Variants in CADM1 observed in about 807,000 individuals in gnomAD.
CADM1 encodes cell adhesion molecule 1.
Under a neutral mutation model 53.1 loss-of-function variants are expected in CADM1, and 15 were observed. The observed-to-expected ratio is 0.28, with a 90% CI of 0.19 to 0.44. The LOEUF (loss-of-function observed/expected upper bound fraction) is 0.44. Among genes scored for constraint, CADM1 ranks in the 20% least tolerant of loss-of-function variants. The pLI is 1.00. For synonymous variants in CADM1, 281 were observed against 243.0 expected (o/e 1.16, Z -1.45); for missense variants, 434 against 611.3 (o/e 0.71, Z 3.06).
intron 1 of CADM1, among the ~76,000 whole-genome samples, chr11:115,389,056 G>A (rs1946769294): frequency 6.6e-6 from 1 of 151,968 alleles, no homozygotes; most frequent in South Asian, 2.1e-4. Flanking sequence ...AAAAAGACAT[G>A]GTGGATGCAA....
chr11:115,412,887 T>A (rs533395724), intron 1 of CADM1, among the ~76,000 whole-genome samples: 1 of 152,342 alleles, frequency 6.6e-6, no homozygotes, highest in East Asian at 1.9e-4. Context: ...ATCATTTATC[T>A]TTTCCAAAAT....
At chr11:115,190,243 C>T (rs994177897) in intron 10 of CADM1, among the ~76,000 whole-genome samples, 5 of 152,204 alleles carry the variant, frequency 3.3e-5, no homozygotes, top group Admixed American at 3.3e-4. Context: ...TCTCCTCCCT[C>T]CCTCCTTTGT....
At chr11:115,221,024 T>C (rs1021388293) in intron 5 of CADM1, among the ~76,000 whole-genome samples, 2 of 152,212 alleles carry the variant, frequency 1.3e-5, no homozygotes, top group African/African-American at 4.8e-5. Flanking sequence ...CCAAGATTTA[T>C]TTTTAAGTAA....
chr11:115,280,335 C>A (rs1943554436), intron 1 of CADM1, among the ~76,000 whole-genome samples: 1 of 152,128 alleles, frequency 6.6e-6, no homozygotes, highest in Admixed American at 6.5e-5. Context: ...AACATGGCCA[C>A]AAAATGGAAT....
intron 1 of CADM1, among the ~76,000 whole-genome samples, chr11:115,369,856 C>A (rs1424157924): frequency 3.3e-5 from 5 of 152,184 alleles, no homozygotes; most frequent in African/African-American, 9.7e-5. Context: ...AATTGAGCTA[C>A]AATACACAAT....
chr11:115,282,080 AT>A (rs554538339), intron 1 of CADM1, among the ~76,000 whole-genome samples: 5 of 151,870 alleles, frequency 3.3e-5, no homozygotes, highest in East Asian at 1.9e-4. Flanking sequence ...TTGCTTTATT[AT>A]TTTTTTTGGT....
chr11:115,230,939 A>G (rs1172133985), intron 4 of CADM1, among the ~76,000 whole-genome samples: 1 of 152,180 alleles, frequency 6.6e-6, no homozygotes, highest in African/African-American at 2.4e-5. Context: ...CATTTTTTTA[A>G]ATGTATACCC....
At chr11:115,474,513 C>T (rs990842381) in intron 1 of CADM1, among the ~76,000 whole-genome samples, 1 of 151,624 alleles carries the variant, frequency 6.6e-6, no homozygotes, top group African/African-American at 2.4e-5. Context: ...GAATACTATG[C>T]AGCCATAAAG....
chr11:115,389,019 G>A (rs573743473), intron 1 of CADM1, among the ~76,000 whole-genome samples: 2 of 152,138 alleles, frequency 1.3e-5, no homozygotes, highest in South Asian at 4.2e-4. Flanking sequence ...TTATTCTTCG[G>A]AAATATACTC....
chr11:115,487,777 T>G (rs1244110950), intron 1 of CADM1, among the ~76,000 whole-genome samples: 1 of 152,218 alleles, frequency 6.6e-6, no homozygotes, highest in Non-Finnish European at 1.5e-5. Context: ...TTAAATAGGA[T>G]GCTTGAAGCA....
rs1358213003 is a variant in CADM1 at position 115,295,528 on chromosome 11, AT to A, written c.125-55109del. ...ATTTTATATATATATATATATATAT[AT>A]ATATATATATATATATATATAATAT... On this transcript the variant is annotated intron_variant, in intron 1 of 11. Transcript: ENST00000331581. Among the ~76,000 whole-genome samples, 774 of 85,590 alleles carry A rather than the reference AT, an allele frequency of 9.0e-3. 29 individuals are homozygous for A. The highest frequency in any genetic ancestry group is 0.055 in the African/African-American group (748 of 13,662). The allele number at this position is 85,590 out of a possible 152,430, so 56.2% of individuals were successfully genotyped here.
rs1939039664 is a variant in CADM1, at chr11:115,176,574, T to C, written c.1316A>G (p.Glu439Gly). The C allele has an allele frequency of 1.2e-6, 2 of 1,613,928 alleles. No individual in the cohort carries two copies. Among genetic ancestry groups the C allele is most frequent in the Non-Finnish European group, 8.5e-7 (1 of 1,179,942 alleles). Residue 439 changes from glutamate (E) to glycine (G), a missense_variant, in exon 12 of 12, where the codon GAA (glutamate) becomes GGA (glycine). Transcript: ENST00000331581. ...TGCTGCGTCATCGGCTCCTTTGGCT[T>C]CATGAGTGAAGTATGTACCTGAAAG... ...ARHKGTYFTH[E>G]AKGADDAADA...
chr11:115,387,631 A>T (rs187279418), intron 1 of CADM1, among the ~76,000 whole-genome samples: 3 of 152,308 alleles, frequency 2.0e-5, no homozygotes, highest in African/African-American at 7.2e-5. Flanking sequence ...AGGACTGAGT[A>T]AATGAACAAA....
At chr11:115,264,817 T>A (rs981448492) in intron 1 of CADM1, among the ~76,000 whole-genome samples, 1 of 152,210 alleles carries the variant, frequency 6.6e-6, no homozygotes, top group Admixed American at 6.5e-5. Context: ...AGCTATCATA[T>A]GACAATCATG....
chr11:115,178,685 C>T lies in CADM1; in HGVS notation c.1256G>A (p.Cys419Tyr). The change falls in exon 11 of 12, where the codon TGC becomes TAC. Residue 419 changes from cysteine (C) to tyrosine (Y), a missense_variant. Cys to Tyr is a radical substitution (Grantham distance 194, BLOSUM62 -2). This residue lies in a region of CADM1 where 311 missense variants were observed against 435.1 expected (regional missense o/e 0.71). Transcript: ENST00000331581. Reference sequence around the variant, plus strand: ...ATAGCGCCCCAGAATGATGAGCAAGCACAGCATGGCGAACACCACCACCGC... The same window carrying T: ...ATAGCGCCCCAGAATGATGAGCAAGTACAGCATGGCGAACACCACCACCGC... ...VVAVVVFAMLCLLIILGRYFA... is the reference protein window; with the variant it reads ...VVAVVVFAMLYLLIILGRYFA... The T allele has an allele frequency of 6.2e-7, 1 of 1,613,662 alleles. No individual in the cohort carries two copies. The highest frequency in any genetic ancestry group is 8.5e-7 in the Non-Finnish European group (1 of 1,179,982).
chr11:115,243,026 T>C (rs1248738231), intron 1 of CADM1, among the ~76,000 whole-genome samples: 1 of 152,250 alleles, frequency 6.6e-6, no homozygotes, highest in Non-Finnish European at 1.5e-5. Context: ...GTCCATGATT[T>C]TGTCTTTTAA....
In CADM1 at chr11:115,276,788, T is replaced by C. The variant is rs192545626; in HGVS notation, c.125-36368A>G. Among the ~76,000 whole-genome samples the C allele has an allele frequency of 2.7e-3, 414 of 152,290 alleles. 6 individuals are homozygous for C. Among genetic ancestry groups the C allele is most frequent in the Non-Finnish European group, 2.6e-3 (176 of 68,022 alleles). On this transcript the variant is annotated intron_variant, in intron 1 of 11. Coordinates refer to ENST00000331581, the MANE Select transcript of CADM1 (RefSeq NM_001301043.2). ...AAAAGCCCCGTGGGTACAAATAAGC[T>C]GTTTCTACCCTAGATGCTGCTCCAA...
At chr11:115,375,193 A>G (rs570132285) in intron 1 of CADM1, among the ~76,000 whole-genome samples, 11 of 152,208 alleles carry the variant, frequency 7.2e-5, no homozygotes, top group Non-Finnish European at 1.5e-4. Flanking sequence ...AAGTTGAGTG[A>G]TAAGAACATG....
chr11:115,371,823 T>TA (rs11396248), intron 1 of CADM1, among the ~76,000 whole-genome samples: 151,930 of 151,962 alleles, frequency 1, 75,949 homozygotes, highest in Middle Eastern at 1. Context: ...TTTTTTTAAG[T>TA]AGACCCAACT....
Sources: gnomAD v4.1 joint callset for allele counts (sites outside exome capture counted in the v4.1 genomes callset) on GRCh38, gnomAD v4.1.1 for gene constraint, gnomAD v4.1.1 regional missense constraint, MANE v1.5 for transcripts, NCBI Gene and HGNC (gene_info 2026-07-23, HGNC 2026-07-21) for gene names.